The following MYO5B variants were observed in gnomAD, a reference collection of about 807,000 sequenced individuals.
MYO5B encodes unconventional myosin-Vb.
A neutral mutation model predicts 229.3 loss-of-function variants in MYO5B; 143 were observed. That is an observed-to-expected ratio of 0.62 (90% CI 0.54 to 0.72). The LOEUF is 0.72. MYO5B is among the 30% of genes least tolerant of loss of function. The pLI, the probability that MYO5B is intolerant of heterozygous loss-of-function variation, is 0.00. For synonymous variants in MYO5B, 918 were observed against 885.2 expected, an observed-to-expected ratio of 1.04 and a Z score of -0.66; for missense variants, 2,321 against 2,331.0, an observed-to-expected ratio of 1.00 and a Z score of 0.09.
Position 49,902,731 on chromosome 18 carries a change from A to G in MYO5B, c.2674T>C (p.Cys892Arg), listed in dbSNP as rs1243430087. The G allele has an allele frequency of 6.2e-7, 1 of 1,610,160 alleles. No homozygotes were observed. Among genetic ancestry groups the G allele is most frequent in the Admixed American group, 1.7e-5 (1 of 60,026 alleles). Residue 892 changes from cysteine (C) to arginine (R), a missense_variant, in exon 21 of 40, where the codon TGT becomes CGT. This residue lies in a region of MYO5B where 2,113 missense variants were observed against 2,044.7 expected (regional missense o/e 1.03). Coordinates refer to ENST00000285039, the MANE Select transcript of MYO5B (RefSeq NM_001080467.3). The stretch of plus-strand genomic sequence containing the variant: ...CTGGCCTTGAGCATCCGGAAGGCAC[A>G]CTGGATGACAATGGCTGCATCCCGC... ...RLRDAAIVIQ[C>R]AFRMLKARRE...
chr18:50,004,300 G>C (rs959353934), intron 4 of MYO5B, among the ~76,000 whole-genome samples: 5 of 152,158 alleles, frequency 3.3e-5, no homozygotes, highest in Non-Finnish European at 7.4e-5. Flanking sequence ...TTGGTGTTCT[G>C]ATAAAAGTGG....
At chr18:50,080,586 C>A (rs1367040322) in intron 1 of MYO5B, among the ~76,000 whole-genome samples, 1 of 152,124 alleles carries the variant, frequency 6.6e-6, no homozygotes, top group African/African-American at 2.4e-5. Context: ...TCCACAGTCA[C>A]CAGAAGCCTC....
At chr18:49,866,437 A>G (rs997454679) in intron 27 of MYO5B, among the ~76,000 whole-genome samples, 1 of 151,758 alleles carries the variant, frequency 6.6e-6, no homozygotes, top group African/African-American at 2.4e-5. Context: ...AACCATCCCC[A>G]CCATCCATCT....
chr18:49,911,010 TG>T (rs2024951540), intron 18 of MYO5B, among the ~76,000 whole-genome samples: 1 of 152,234 alleles, frequency 6.6e-6, no homozygotes, highest in Non-Finnish European at 1.5e-5. Flanking sequence ...CAGTCTCAGC[TG>T]TCAGGTGTGA....
At chr18:50,049,518 G>A (rs1323392310) in intron 2 of MYO5B, among the ~76,000 whole-genome samples, 2 of 152,204 alleles carry the variant, frequency 1.3e-5, no homozygotes, top group East Asian at 3.8e-4. Context: ...CTAACTTGGT[G>A]TACTCCAGCA....
intron 12 of MYO5B, among the ~76,000 whole-genome samples, chr18:49,961,251 C>T (rs1385223232): frequency 6.6e-6 from 1 of 152,168 alleles, no homozygotes; most frequent in Non-Finnish European, 1.5e-5. Flanking sequence ...CCTGGACAAA[C>T]ACTTGCTACA....
intron 1 of MYO5B, among the ~76,000 whole-genome samples, chr18:50,187,549 C>T (rs1475517867): frequency 6.7e-6 from 1 of 148,754 alleles, no homozygotes; most frequent in Non-Finnish European, 1.5e-5. Flanking sequence ...CAGGGTCTCA[C>T]TCTGTCACCC....
In MYO5B at chr18:50,145,497, C is replaced by CAAAAAAAAAA. The variant is rs369507800; in HGVS notation, c.27+49260_27+49269dup. Among the ~76,000 whole-genome samples, 8 of 70,008 alleles carry CAAAAAAAAAA rather than the reference C, an allele frequency of 1.1e-4. No homozygotes were observed. In the East Asian group the frequency reaches 2.2e-3, roughly 19 times the overall value. The allele number at this position is 70,008 out of a possible 152,430, so 45.9% of individuals were successfully genotyped here. A position where few individuals can be genotyped will look rare whatever the true frequency, so the allele number is the denominator to read the frequency against. On this transcript the variant is annotated intron_variant, in intron 1 of 39. Coordinates refer to ENST00000285039, the MANE Select transcript of MYO5B (RefSeq NM_001080467.3). Reference sequence around the variant, plus strand: ...TGGGCAACAGAGCAAGACTCCATCTCAAAAAAAAAAAAAAAAAAAAAAAAA... The same window carrying CAAAAAAAAAA: ...TGGGCAACAGAGCAAGACTCCATCTCAAAAAAAAAAAAAAAAAAAAAAAAAAAAAAAAAAA...
At chr18:49,883,508 T>A (rs761580392) in intron 22 of MYO5B, among the ~76,000 whole-genome samples, 2 of 152,156 alleles carry the variant, frequency 1.3e-5, no homozygotes, top group African/African-American at 4.8e-5. Context: ...TGGAAAGACA[T>A]CTTGAGATAA....
chr18:49,839,990 A>AG (rs1287134123), intron 35 of MYO5B: 1 of 153,178 alleles, frequency 6.5e-6, no homozygotes, highest in Non-Finnish European at 1.5e-5. Context: ...TCAAATACAA[A>AG]GCCATCTTAA....
intron 37 of MYO5B, 83 bp downstream of exon 37, chr18:49,837,434 A>C (rs893336474): frequency 4.6e-5 from 70 of 1,517,124 alleles, no homozygotes; most frequent in Non-Finnish European, 6.3e-5. Context: ...CATTTTTAGA[A>C]ACAGCAGTCT....
chr18:50,038,574 C>T (rs1460974791), intron 3 of MYO5B, among the ~76,000 whole-genome samples: 4 of 152,152 alleles, frequency 2.6e-5, no homozygotes, highest in Non-Finnish European at 4.4e-5. Context: ...TCACGTAGCA[C>T]GCAATTCACA....
chr18:49,932,123 A>C, intron 16 of MYO5B, among the ~76,000 whole-genome samples: 1 of 151,928 alleles, frequency 6.6e-6, no homozygotes, highest in East Asian at 1.9e-4. Context: ...CTCATTGAGA[A>C]CCCCGTCATT....
At chr18:49,909,037 C>A (rs987326841) in intron 18 of MYO5B, among the ~76,000 whole-genome samples, 7 of 152,186 alleles carry the variant, frequency 4.6e-5, no homozygotes, top group African/African-American at 9.6e-5. Context: ...GTGCCTGGTG[C>A]CTGCCCTGCA....
chr18:49,838,879 G>A (rs2024022300), intron 36 of MYO5B, among the ~76,000 whole-genome samples: 2 of 152,120 alleles, frequency 1.3e-5, no homozygotes, highest in African/African-American at 4.8e-5. Flanking sequence ...CATTTATTAT[G>A]TATTAAAATT....
intron 1 of MYO5B, among the ~76,000 whole-genome samples, chr18:50,112,969 T>G (rs922872064): frequency 1.3e-5 from 2 of 152,212 alleles, no homozygotes; most frequent in Admixed American, 6.5e-5. Context: ...AACTTTAAAA[T>G]CATTCCACAT....
intron 1 of MYO5B, among the ~76,000 whole-genome samples, chr18:50,074,033 CA>C (rs2031020774): frequency 6.6e-6 from 1 of 152,118 alleles, no homozygotes; most frequent in Non-Finnish European, 1.5e-5. Flanking sequence ...TGTATTAGTC[CA>C]TTTTCACGTT....
At chr18:50,012,087 C>T (rs964927162) in intron 4 of MYO5B, among the ~76,000 whole-genome samples, 22 of 152,196 alleles carry the variant, frequency 1.4e-4, no homozygotes, top group African/African-American at 5.3e-4. Flanking sequence ...TAGGAAACTA[C>T]TTCTGCTGGA....
At position 49,841,424 on chromosome 18, in the gene MYO5B, A is replaced by G. The variant is rs1356420758; in HGVS notation, c.4642T>C (p.Phe1548Leu). 8 of 1,614,092 alleles carry G rather than the reference A, an allele frequency of 5.0e-6. No homozygotes were observed. The African/African-American group carries it at 6.7e-5, about 13-fold the overall frequency. ...KHNDDFEMTS[F>L]WLSNTCRLLH... Reference sequence around the variant, plus strand: ...AGGCGGCAGGTGTTGGATAACCAGAATGACGTCATCTCAAAGTCATCATTG... The same window carrying G: ...AGGCGGCAGGTGTTGGATAACCAGAGTGACGTCATCTCAAAGTCATCATTG... The change falls in exon 35 of 40, where the codon TTC (phenylalanine) becomes CTC (leucine). Residue 1548 changes from phenylalanine to leucine, a missense_variant. Phe to Leu is a conservative substitution (Grantham distance 22). Transcript: ENST00000285039.
Sources: allele counts gnomAD v4.1 joint callset (sites outside exome capture counted in the v4.1 genomes callset), GRCh38; gene constraint gnomAD v4.1.1; regional missense constraint gnomAD v4.1.1; transcripts MANE v1.5; gene names NCBI Gene and HGNC (gene_info 2026-07-23, HGNC 2026-07-21).